ZNF33B: variants seen among roughly 807,000 people sequenced by gnomAD.
The protein encoded by ZNF33B is zinc finger protein 11b (KOX 2).
Under a neutral mutation model 45.8 loss-of-function variants are expected in ZNF33B, and 29 were observed. The observed-to-expected ratio is 0.63, with a 90% CI of 0.47 to 0.86. The LOEUF is 0.86. Among genes scored for constraint, ZNF33B ranks in the 40% least tolerant of loss-of-function variants. ZNF33B has a pLI of 0.00. For synonymous variants in ZNF33B, 305 were observed against 307.8 expected, an observed-to-expected ratio of 0.99 and a Z score of 0.10; for missense variants, 831 against 909.9, an observed-to-expected ratio of 0.91 and a Z score of 1.12.
chr10:42,577,715 A>T (rs1414645642), intron 1 of ZNF33B, among the ~76,000 whole-genome samples: 4 of 152,156 alleles, frequency 2.6e-5, no homozygotes, highest in African/African-American at 9.7e-5. Flanking sequence ...GGGGAGAGAG[A>T]AACCTGGCTT....
chr10:42,577,987 A>G (rs1836772571), intron 1 of ZNF33B, among the ~76,000 whole-genome samples: 1 of 152,150 alleles, frequency 6.6e-6, no homozygotes, highest in African/African-American at 2.4e-5. Context: ...TGGAAGCAGG[A>G]GCCTCTGTGA....
intron 4 of ZNF33B, among the ~76,000 whole-genome samples, chr10:42,623,573 C>T (rs143809547): frequency 3.7e-3 from 568 of 152,240 alleles, no homozygotes; most frequent in African/African-American, 0.013. Flanking sequence ...ATAAGGCAGA[C>T]ACAAAAGGCC....
chr10:42,635,152 A>C (rs1839229674), intron 2 of ZNF33B, among the ~76,000 whole-genome samples: 1 of 152,036 alleles, frequency 6.6e-6, no homozygotes, highest in Non-Finnish European at 1.5e-5. Flanking sequence ...TAGCCAGGAG[A>C]ATCCCTGGAG....
chr10:42,614,239 GA>G (rs1275712766), intron 4 of ZNF33B: 2 of 154,820 alleles, frequency 1.3e-5, no homozygotes, highest in African/African-American at 4.8e-5. Context: ...CTTATCTTGA[GA>G]AAAACATTAG....
intron 4 of ZNF33B, among the ~76,000 whole-genome samples, chr10:42,598,748 A>G (rs1009455188): frequency 6.6e-6 from 1 of 152,150 alleles, no homozygotes; most frequent in African/African-American, 2.4e-5. Flanking sequence ...GATTAACCAC[A>G]CTTGGTCATG....
At chr10:42,625,252 C>A (rs1345131861) in intron 4 of ZNF33B, among the ~76,000 whole-genome samples, 1 of 151,942 alleles carries the variant, frequency 6.6e-6, no homozygotes, top group African/African-American at 2.4e-5. Flanking sequence ...TCTTTTATTT[C>A]TTTCATCAGA....
At chr10:42,634,903 CTT>C (rs1166576221) in intron 2 of ZNF33B, among the ~76,000 whole-genome samples, 30 of 152,154 alleles carry the variant, frequency 2.0e-4, no homozygotes. Context: ...AACAAATAAA[CTT>C]AATAAACTAA....
intron 4 of ZNF33B, among the ~76,000 whole-genome samples, chr10:42,615,036 T>C (rs1328780129): frequency 6.6e-6 from 1 of 152,028 alleles, no homozygotes; most frequent in African/African-American, 2.4e-5. Context: ...TTACAACTAC[T>C]GGATTGGTAT....
chr10:42,632,811 T>C (rs1048427684), intron 2 of ZNF33B: 1 of 248,342 alleles, frequency 4.0e-6, no homozygotes, highest in Non-Finnish European at 7.7e-6. Context: ...ACTGAGGAAG[T>C]ATAGCTGTTG....
At chr10:42,587,261 G>A (rs138015361), downstream of ZNF33B, among the ~76,000 whole-genome samples, 111 of 152,184 alleles carry the variant, frequency 7.3e-4, 2 homozygotes, top group East Asian at 0.018. Flanking sequence ...GTGCAGTGGC[G>A]CCAACTTGGC....
chr10:42,600,566 AT>A, intron 4 of ZNF33B, among the ~76,000 whole-genome samples: 1 of 152,246 alleles, frequency 6.6e-6, no homozygotes, highest in East Asian at 1.9e-4. Flanking sequence ...TGAATCTAAC[AT>A]GTTTCCTTTA....
intron 1 of ZNF33B, among the ~76,000 whole-genome samples, chr10:42,577,292 C>G (rs577590347): frequency 4.1e-4 from 62 of 152,220 alleles, no homozygotes; most frequent in African/African-American, 1.3e-3. Flanking sequence ...GTTCAATCTC[C>G]CCACTGGTGC....
At chr10:42,607,656 A>G (rs1837921235) in intron 4 of ZNF33B, among the ~76,000 whole-genome samples, 2 of 152,346 alleles carry the variant, frequency 1.3e-5, no homozygotes, top group African/African-American at 4.8e-5. Context: ...TCCTTGACTT[A>G]TGATCAAGTT....
intron 4 of ZNF33B, among the ~76,000 whole-genome samples, chr10:42,614,017 G>C (rs1355288084): frequency 6.6e-6 from 1 of 152,204 alleles, no homozygotes; most frequent in African/African-American, 2.4e-5. Context: ...TCTTACGTGT[G>C]AGTTGTGCAG....
intron 1 of ZNF33B, among the ~76,000 whole-genome samples, chr10:42,575,878 C>T (rs911858375): frequency 4.0e-5 from 6 of 150,790 alleles, no homozygotes; most frequent in African/African-American, 7.3e-5. Context: ...TACAGACAAG[C>T]GCCACCACGC....
In ZNF33B at chr10:42,594,040, C is replaced by A. The variant is rs1353463729; in HGVS notation, c.910G>T (p.Gly304Cys). The A allele has an allele frequency of 1.2e-6, 2 of 1,614,028 alleles. No homozygotes were observed. The highest frequency in any genetic ancestry group is 1.7e-6 in the Non-Finnish European group (2 of 1,179,964). Residue 304 changes from glycine to cysteine, a missense_variant, in exon 5 of 5, where the codon GGT becomes TGT. Gly to Cys is a radical substitution (Grantham distance 159). Coordinates refer to ENST00000359467, the MANE Select transcript of ZNF33B (RefSeq NM_006955.3). ...DGVPVKHYDC[G>C]ESGNNFRRKL... ...CTCCTGAAATTATTCCCACTTTCAC[C>A]ACAATCATAGTGTTTCACAGGTACC...
chr10:42,576,908 G>A (rs1224752904), intron 1 of ZNF33B, among the ~76,000 whole-genome samples: 7 of 152,042 alleles, frequency 4.6e-5, no homozygotes, highest in African/African-American at 1.7e-4. Context: ...CAAGGCGGCT[G>A]GATCACCTGA....
intron 3 of ZNF33B, 51 bp downstream of exon 3, chr10:42,632,244 T>C (rs1839092672): frequency 3.2e-6 from 5 of 1,575,320 alleles, no homozygotes; most frequent in Non-Finnish European, 3.4e-6. Flanking sequence ...ATATGTTTTA[T>C]AATCAAAATA....
Position 42,633,055 on chromosome 10 carries a change from T to C in ZNF33B, c.10-616A>G, listed in dbSNP as rs571541430. The C allele has an allele frequency of 1.0e-4, 22 of 210,834 alleles. No homozygotes were observed. The East Asian group carries it at 2.1e-3, about 20-fold the overall frequency. The allele number at this position is 210,834 out of a possible 1,614,324, so 13.1% of individuals were successfully genotyped here. A position where few individuals can be genotyped will look rare whatever the true frequency, so the allele number is the denominator to read the frequency against. ...CATTTTCAAGAATATTACTGAGAAC[T>C]ACAGATTTATATTTACAAATCACAG... On this transcript the variant is annotated intron_variant, in intron 2 of 4. Coordinates refer to ENST00000359467, the MANE Select transcript of ZNF33B (RefSeq NM_006955.3).
Sources: gnomAD v4.1 joint callset for allele counts (sites outside exome capture counted in the v4.1 genomes callset) on GRCh38, gnomAD v4.1.1 for gene constraint, MANE v1.5 for transcripts, NCBI Gene and HGNC (gene_info 2026-07-23, HGNC 2026-07-21) for gene names.